The following PRKCB variants were observed in gnomAD, a reference collection of about 807,000 sequenced individuals.
The protein encoded by PRKCB is protein kinase C beta, also known as protein kinase C beta type.
PRKCB carries 13 observed loss-of-function variants against 81.5 expected under a neutral mutation model. That is an observed-to-expected ratio of 0.16 (90% confidence interval 0.10 to 0.25). PRKCB has a LOEUF of 0.25. Ranked by LOEUF, PRKCB falls within the 10% of genes least tolerant of loss-of-function variation. PRKCB has a pLI of 1.00. For missense variants in PRKCB, 509 were observed against 875.7 expected, an observed-to-expected ratio of 0.58 and a Z score of 5.29; for synonymous variants, 335 against 321.4, an observed-to-expected ratio of 1.04 and a Z score of -0.45.
chr16:23,930,537 T>G (rs1031991202), intron 2 of PRKCB, among the ~76,000 whole-genome samples: 2 of 149,260 alleles, frequency 1.3e-5, no homozygotes, highest in Admixed American at 6.7e-5. Flanking sequence ...CCACCACACT[T>G]CAGCCTGGGT....
At chr16:23,858,235 G>A (rs1188578638) in intron 2 of PRKCB, among the ~76,000 whole-genome samples, 1 of 152,208 alleles carries the variant, frequency 6.6e-6, no homozygotes, top group African/African-American at 2.4e-5. Flanking sequence ...AGATAAGAAA[G>A]CAAGCTTAGA....
intron 9 of PRKCB, among the ~76,000 whole-genome samples, chr16:24,152,620 G>A (rs572528551): frequency 6.6e-6 from 1 of 152,302 alleles, no homozygotes; most frequent in South Asian, 2.1e-4. Context: ...TCCAGGAGCA[G>A]GAAGTCCCTG....
intron 16 of PRKCB, among the ~76,000 whole-genome samples, chr16:24,202,714 C>T (rs1466845018): frequency 6.6e-6 from 1 of 152,190 alleles, no homozygotes. Flanking sequence ...ATTTCTGTAT[C>T]TTGCATTATT....
At position 24,215,221 on chromosome 16, in the gene PRKCB, G is replaced by T; in HGVS notation, c.*405G>T. On this transcript the variant is annotated 3_prime_UTR_variant, in exon 17 of 17. Coordinates refer to ENST00000643927, the MANE Select transcript of PRKCB (RefSeq NM_002738.7). ...CTTCCACTTCCGGGCCTGGAGCTTG[G>T]CTTGTATCCAAGTGTATGGTTGCTT... 6 of 1,004,356 alleles carry T rather than the reference G, an allele frequency of 6.0e-6. No individual in the cohort carries two copies. The highest frequency in any genetic ancestry group is 7.1e-6 in the Non-Finnish European group (6 of 840,914). 62.2% of individuals were successfully genotyped at this position (1,004,356 alleles called of 1,614,324 possible).
intron 16 of PRKCB, among the ~76,000 whole-genome samples, chr16:24,200,447 T>G (rs902563865): frequency 2.6e-5 from 4 of 152,334 alleles, no homozygotes. Flanking sequence ...GTTGGAATTG[T>G]CAGGTTCCTG....
intron 5 of PRKCB, among the ~76,000 whole-genome samples, chr16:24,042,670 A>G (rs1965716165): frequency 2.0e-5 from 3 of 151,912 alleles, no homozygotes; most frequent in South Asian, 2.1e-4. Context: ...AATAGAATTC[A>G]AAATTTACTT....
intron 2 of PRKCB, among the ~76,000 whole-genome samples, chr16:23,957,046 T>C (rs1257033488): frequency 6.7e-6 from 1 of 148,620 alleles, no homozygotes; most frequent in African/African-American, 2.5e-5. Flanking sequence ...TTCTGTAACC[T>C]TGAGTGAGGG....
At chr16:24,021,136 T>G (rs547475410) in intron 3 of PRKCB, among the ~76,000 whole-genome samples, 9 of 147,688 alleles carry the variant, frequency 6.1e-5, no homozygotes, top group Admixed American at 2.0e-4. Flanking sequence ...TTTCCTTCCT[T>G]CCTTCCTTCT....
intron 2 of PRKCB, among the ~76,000 whole-genome samples, chr16:23,967,548 A>G (rs1314679976): frequency 6.6e-6 from 1 of 152,252 alleles, no homozygotes; most frequent in East Asian, 1.9e-4. Context: ...ATCAGGAACA[A>G]TTCCTAACAG....
At chr16:23,860,370 T>C (rs1439928596) in intron 2 of PRKCB, among the ~76,000 whole-genome samples, 2 of 152,032 alleles carry the variant, frequency 1.3e-5, no homozygotes, top group Non-Finnish European at 2.9e-5. Flanking sequence ...GATAGAGAAT[T>C]ATGCGTTGGG....
Position 24,219,338 on chromosome 16 carries a change from T to C in PRKCB, c.*4522T>C. The C allele has an allele frequency of 1.1e-6, 1 of 929,322 alleles. No homozygotes were observed. 57.6% of individuals were successfully genotyped at this position (929,322 alleles called of 1,614,324 possible). ...TTCTCTCTTATAGTTTGTTGACACA[T>C]GCTAAAAATGTCTTTGGAGAGAACT... On this transcript the variant is annotated 3_prime_UTR_variant, in exon 17 of 17. Coordinates refer to ENST00000643927, the MANE Select transcript of PRKCB (RefSeq NM_002738.7).
rs1024460735 is a variant in PRKCB, at chr16:23,971,005, A to G, written c.206-17503A>G. Among the ~76,000 whole-genome samples the G allele has an allele frequency of 1.3e-5, 2 of 152,240 alleles. 1 individual carries two copies. Among genetic ancestry groups the G allele is most frequent in the South Asian group, 4.1e-4 (2 of 4,828 alleles). On this transcript the variant is annotated intron_variant, in intron 2 of 16. Transcript: ENST00000643927. ...CTGGGCCTCTGGCTTAGTTTTCCTCATGCATAAATGGAATGTGGGGATTAT... is the reference window on the plus strand; with the variant it reads ...CTGGGCCTCTGGCTTAGTTTTCCTCGTGCATAAATGGAATGTGGGGATTAT...
intron 2 of PRKCB, among the ~76,000 whole-genome samples, chr16:23,963,976 T>A (rs1261753972): frequency 1.3e-5 from 2 of 152,140 alleles, no homozygotes; most frequent in African/African-American, 4.8e-5. Context: ...ATTGGGTGTC[T>A]ACCATGGACA....
Position 24,215,867 on chromosome 16 carries a change from T to C in PRKCB, c.*1051T>C. 1.0e-6 allele frequency: 1 copy of C among 985,532 alleles called. No homozygotes were observed. Among genetic ancestry groups the C allele is most frequent in the Non-Finnish European group, 1.2e-6 (1 of 829,904 alleles). The allele number at this position is 985,532 out of a possible 1,614,324, so 61.0% of individuals were successfully genotyped here. A position where few individuals can be genotyped will look rare whatever the true frequency, so the allele number is the denominator to read the frequency against. On this transcript the variant is annotated 3_prime_UTR_variant, in exon 17 of 17. Coordinates refer to ENST00000643927, the MANE Select transcript of PRKCB (RefSeq NM_002738.7). ...AGTGCTCTGAAAAAGACACCGTTTC[T>C]TGAAACAAAGATGGTTGTATTCCTC...
chr16:23,895,228 G>A (rs985736982), intron 2 of PRKCB, among the ~76,000 whole-genome samples: 1 of 151,864 alleles, frequency 6.6e-6, no homozygotes, highest in Non-Finnish European at 1.5e-5. Flanking sequence ...AAATTGCCTT[G>A]CCATCTGCAA....
intron 2 of PRKCB, among the ~76,000 whole-genome samples, chr16:23,913,120 G>A (rs1009160025): frequency 4.6e-5 from 7 of 152,168 alleles, no homozygotes; most frequent in African/African-American, 1.7e-4. Flanking sequence ...GGAGGCTGAG[G>A]TTCAAGGAGG....
In PRKCB at chr16:24,172,302, T is replaced by C; in HGVS notation, c.1272T>C (p.Asn424=). Residue 424 remains asparagine (N), a synonymous_variant, in exon 11 of 17, where the codon AAT becomes AAC. Transcript: ENST00000643927. ...TGTACTTTGTGATGGAGTACGTGAA[T>C]GGGGGCGACCTCATGTATCACATCC... ...DRLYFVMEYV[N]GGDLMYHIQQ... 6.2e-7 allele frequency: 1 copy of C among 1,613,992 alleles called. No homozygotes were observed. The highest frequency in any genetic ancestry group is 1.1e-5 in the South Asian group (1 of 91,062).
At chr16:24,183,003 C>G (rs1967650942) in intron 13 of PRKCB, among the ~76,000 whole-genome samples, 1 of 151,952 alleles carries the variant, frequency 6.6e-6, no homozygotes, top group African/African-American at 2.4e-5. Context: ...ACTACAGGTG[C>G]CCATCACCAC....
At chr16:23,977,090 T>C (rs1390226593) in intron 2 of PRKCB, among the ~76,000 whole-genome samples, 1 of 152,190 alleles carries the variant, frequency 6.6e-6, no homozygotes, top group Non-Finnish European at 1.5e-5. Flanking sequence ...AATAAGCAAA[T>C]GAAGTTTGCT....
Sources: allele counts gnomAD v4.1 joint callset (sites outside exome capture counted in the v4.1 genomes callset), GRCh38; gene constraint gnomAD v4.1.1; transcripts MANE v1.5; gene names NCBI Gene and HGNC (gene_info 2026-07-23, HGNC 2026-07-21).